DNAJC3: variants seen among roughly 807,000 people sequenced by gnomAD.
DNAJC3 encodes the protein DnaJ heat shock protein family (Hsp40) member C3.
A neutral mutation model predicts 68.6 loss-of-function variants in DNAJC3; 38 were observed. The observed-to-expected ratio is 0.55, with a 90% CI of 0.43 to 0.73. DNAJC3 has a LOEUF of 0.73. DNAJC3 is among the 30% of genes least tolerant of loss of function. The probability of loss-of-function intolerance (pLI) is 0.00; values close to 1 mark genes in which losing one functional copy is unlikely to be tolerated. For synonymous variants in DNAJC3, 203 were observed against 204.0 expected, an observed-to-expected ratio of 1.00 and a Z score of 0.04; for missense variants, 526 against 591.9, an observed-to-expected ratio of 0.89 and a Z score of 1.16.
intron 9 of DNAJC3, among the ~76,000 whole-genome samples, chr13:95,772,945 T>C (rs954053406): frequency 7.2e-5 from 11 of 152,170 alleles, no homozygotes; most frequent in Admixed American, 3.9e-4. Context: ...TTTTTGGTAA[T>C]GTCTTTGTCA....
chr13:95,700,119 T>G (rs932683297), intron 1 of DNAJC3, among the ~76,000 whole-genome samples: 1 of 152,092 alleles, frequency 6.6e-6, no homozygotes, highest in Non-Finnish European at 1.5e-5. Context: ...CTGGCCTACT[T>G]TTATTGTTTA....
At chr13:95,693,730 C>T (rs1455426445) in intron 1 of DNAJC3, 1 of 109,270 alleles carries the variant, frequency 9.2e-6, no homozygotes, top group Non-Finnish European at 1.8e-5. Flanking sequence ...ATATCCATTA[C>T]AGACATTCAA....
At chr13:95,743,851 G>A (rs959311935) in intron 4 of DNAJC3, among the ~76,000 whole-genome samples, 4 of 152,092 alleles carry the variant, frequency 2.6e-5, no homozygotes, top group Admixed American at 6.6e-5. Flanking sequence ...GAACCACCAC[G>A]CCCGGCTGCC....
intron 9 of DNAJC3, among the ~76,000 whole-genome samples, chr13:95,765,755 A>C (rs542394074): frequency 9.9e-5 from 15 of 151,852 alleles, no homozygotes; most frequent in African/African-American, 3.6e-4. Flanking sequence ...TACTTCTAGT[A>C]GTGATGGGGT....
chr13:95,789,740 CTGAA>C (rs1883708498), intron 11 of DNAJC3, among the ~76,000 whole-genome samples: 2 of 152,150 alleles, frequency 1.3e-5, no homozygotes, highest in Admixed American at 1.3e-4. Flanking sequence ...TCCACAATGG[CTGAA>C]TGAATTTACA....
intron 2 of DNAJC3, among the ~76,000 whole-genome samples, chr13:95,712,357 C>G (rs774093917): frequency 1.3e-5 from 2 of 148,948 alleles, no homozygotes; most frequent in Non-Finnish European, 3.0e-5. Context: ...GCTAGAGGTC[C>G]TAGCCAATGC....
chr13:95,756,462 T>C (rs1882664378), intron 4 of DNAJC3, among the ~76,000 whole-genome samples: 1 of 152,128 alleles, frequency 6.6e-6, no homozygotes, highest in Admixed American at 6.6e-5. Context: ...ATAGCTAAAA[T>C]AGAATAGCTA....
intron 11 of DNAJC3, 129 bp downstream of exon 11, chr13:95,787,284 C>G (rs1399759840): frequency 1.8e-6 from 2 of 1,136,392 alleles, no homozygotes; most frequent in Non-Finnish European, 2.5e-6. Flanking sequence ...TCCAGAGGTC[C>G]AGTTTTATGC....
intron 1 of DNAJC3, among the ~76,000 whole-genome samples, chr13:95,686,759 C>A (rs973822686): frequency 1.1e-4 from 17 of 152,202 alleles, no homozygotes; most frequent in African/African-American, 3.1e-4. Context: ...GTACCAGTAC[C>A]ATGCCATTTT....
chr13:95,739,667 T>C (rs1566493088), intron 4 of DNAJC3, among the ~76,000 whole-genome samples: 1 of 152,234 alleles, frequency 6.6e-6, no homozygotes, highest in Non-Finnish European at 1.5e-5. Flanking sequence ...CTCCATCAGC[T>C]CCTTTAAGCA....
intron 1 of DNAJC3, among the ~76,000 whole-genome samples, chr13:95,685,617 T>C (rs943292023): frequency 2.0e-5 from 3 of 152,162 alleles, no homozygotes; most frequent in Admixed American, 6.5e-5. Flanking sequence ...GGTTTGGATC[T>C]GTGCCCCACC....
chr13:95,778,073 T>C (rs1266894591), intron 9 of DNAJC3, among the ~76,000 whole-genome samples: 4 of 152,138 alleles, frequency 2.6e-5, no homozygotes, highest in African/African-American at 7.2e-5. Flanking sequence ...TTGGAAGACA[T>C]AATATTGTGA....
chr13:95,781,041 C>T (rs888903070), intron 9 of DNAJC3, among the ~76,000 whole-genome samples: 3 of 152,110 alleles, frequency 2.0e-5, no homozygotes, highest in Non-Finnish European at 4.4e-5. Flanking sequence ...GACCTGTTCA[C>T]TGGAGAACGT....
chr13:95,710,973 A>G (rs1039558147), intron 2 of DNAJC3, among the ~76,000 whole-genome samples: 3 of 152,152 alleles, frequency 2.0e-5, no homozygotes, highest in African/African-American at 7.2e-5. Context: ...TATAGGTGTG[A>G]GCTACCGTGC....
chr13:95,774,457 A>G (rs984158338), intron 9 of DNAJC3, among the ~76,000 whole-genome samples: 1 of 152,184 alleles, frequency 6.6e-6, no homozygotes, highest in Non-Finnish European at 1.5e-5. Context: ...CCAGCATGGT[A>G]TCTACCTTGA....
chr13:95,691,534 G>A (rs1880261530), intron 1 of DNAJC3, among the ~76,000 whole-genome samples: 1 of 150,426 alleles, frequency 6.6e-6, no homozygotes. Context: ...TCCTAGATGG[G>A]ATGGCGGCCG....
intron 2 of DNAJC3, among the ~76,000 whole-genome samples, chr13:95,720,719 T>C (rs1212532639): frequency 6.6e-6 from 1 of 152,236 alleles, no homozygotes; most frequent in Non-Finnish European, 1.5e-5. Context: ...TTTGCTGTCC[T>C]GTCCTTGCCT....
chr13:95,781,340 G>A (rs1883446517), intron 9 of DNAJC3, among the ~76,000 whole-genome samples: 1 of 152,038 alleles, frequency 6.6e-6, no homozygotes, highest in South Asian at 2.1e-4. Flanking sequence ...TTGCCTTATA[G>A]CTACTTCAGC....
chr13:95,752,147 G>A (rs892278996), intron 4 of DNAJC3, among the ~76,000 whole-genome samples: 5 of 152,134 alleles, frequency 3.3e-5, no homozygotes, highest in East Asian at 1.9e-4. Context: ...CTCTGTGTCC[G>A]TTTTCCTTGT....
Sources: gnomAD v4.1 joint callset for allele counts (sites outside exome capture counted in the v4.1 genomes callset) on GRCh38, gnomAD v4.1.1 for gene constraint, MANE v1.5 for transcripts, NCBI Gene and HGNC (gene_info 2026-07-23, HGNC 2026-07-21) for gene names.